SYDE2: variants seen among roughly 807,000 people sequenced by gnomAD.
SYDE2 encodes the protein rho GTPase-activating protein SYDE2.
SYDE2 carries 76 observed loss-of-function variants against 91.5 expected under a neutral mutation model. The observed-to-expected ratio is 0.83, with a 90% CI of 0.69 to 1.01. SYDE2 has a LOEUF of 1.01. Ranked by LOEUF, SYDE2 falls within the 50% of genes least tolerant of loss-of-function variation. The pLI is 0.00. For missense variants in SYDE2, 1,364 were observed against 1,367.7 expected (o/e 1.00, Z 0.04); for synonymous variants, 513 against 506.4 (o/e 1.01, Z -0.18).
chr1:85,165,119 G>A (rs371135415), intron 5 of SYDE2, among the ~76,000 whole-genome samples: 1 of 152,082 alleles, frequency 6.6e-6, no homozygotes, highest in African/African-American at 2.4e-5. Flanking sequence ...CTACGATCCC[G>A]GCTACTCGGG....
At chr1:85,160,951 ATATTT>A in intron 6 of SYDE2, 1 of 980,282 alleles carries the variant, frequency 1.0e-6, no homozygotes, top group Non-Finnish European at 1.2e-6. Flanking sequence ...AATTAAACTG[ATATTT>A]TATATCTTTT....
At chr1:85,160,411 C>T in intron 6 of SYDE2, 1 of 889,510 alleles carries the variant, frequency 1.1e-6, no homozygotes, top group Non-Finnish European at 1.3e-6. Flanking sequence ...ATGTTTTTAA[C>T]ATTTCTATTG....
rs113341336 is a variant in SYDE2, at chr1:85,184,165, C to T, written c.1442-965G>A. On this transcript the variant is annotated intron_variant, in intron 2 of 6. Transcript: ENST00000341460. ...ATAAATTTATGAACTAGGCTAGAGTCGAGTGAAACTGGCACACTCCTTCAG... is the reference window on the plus strand; with the variant it reads ...ATAAATTTATGAACTAGGCTAGAGTTGAGTGAAACTGGCACACTCCTTCAG... Among the ~76,000 whole-genome samples, 1,282 of 152,140 alleles carry T rather than the reference C, an allele frequency of 8.4e-3. 24 individuals are homozygous for T. Among genetic ancestry groups the T allele is most frequent in the African/African-American group, 0.029 (1,188 of 41,494 alleles).
rs557154850 is a variant in SYDE2, at chr1:85,197,359, A to G, written c.745+2893T>C. Among the ~76,000 whole-genome samples, 5 of 152,332 alleles carry G rather than the reference A, an allele frequency of 3.3e-5. No individual in the cohort carries two copies. The East Asian group carries it at 9.6e-4, about 29-fold the overall frequency. On this transcript the variant is annotated intron_variant, in intron 1 of 6. Transcript: ENST00000341460. ...AGTCTCAAAAATTTTCACAATACCT[A>G]TATGAAGTATCTCCATTCCACTGAA... is the stretch of plus-strand genomic sequence containing the variant.
At chr1:85,165,146 A>C (rs895686665) in intron 5 of SYDE2, among the ~76,000 whole-genome samples, 1 of 152,152 alleles carries the variant, frequency 6.6e-6, no homozygotes, top group Admixed American at 6.6e-5. Context: ...AGATGGGAGA[A>C]TCGCTGGAAC....
At chr1:85,179,355 T>C (rs972225792) in intron 3 of SYDE2, among the ~76,000 whole-genome samples, 4 of 152,172 alleles carry the variant, frequency 2.6e-5, no homozygotes, top group Admixed American at 1.3e-4. Context: ...TAATCTCTTC[T>C]GACTCATTAA....
chr1:85,170,407 T>G (rs1657459677), intron 4 of SYDE2, among the ~76,000 whole-genome samples: 1 of 152,140 alleles, frequency 6.6e-6, no homozygotes, highest in African/African-American at 2.4e-5. Context: ...TTTTAAATAT[T>G]TAATAGTAAC....
chr1:85,174,304 C>A (rs1657609532), intron 4 of SYDE2, among the ~76,000 whole-genome samples: 1 of 152,094 alleles, frequency 6.6e-6, no homozygotes, highest in Non-Finnish European at 1.5e-5. Context: ...ATAGTTACAG[C>A]ACAATTTATT....
rs2100672134 is a variant in SYDE2 at position 85,182,171 on chromosome 1, T to G, written c.2471A>C (p.Lys824Thr). Residue 824 changes from lysine (K) to threonine (T), a missense_variant, in exon 3 of 7, where the codon AAA becomes ACA. Coordinates refer to ENST00000341460, the MANE Select transcript of SYDE2 (RefSeq NM_032184.2). The part of the protein sequence containing the change: ...FGVDIQKVVE[K>T]ENIGLMVPLL... ...GGGCACCATCAGTCCTATATTTTCT[T>G]TCTCTACAACTTTTTGAATATCAAC... The G allele has an allele frequency of 6.2e-7, 1 of 1,605,630 alleles. No individual in the cohort carries two copies. Among genetic ancestry groups the G allele is most frequent in the East Asian group, 2.2e-5 (1 of 44,792 alleles).
chr1:85,183,852 TTTAGA>T (rs776175298), intron 2 of SYDE2, among the ~76,000 whole-genome samples: 3 of 152,170 alleles, frequency 2.0e-5, no homozygotes, highest in Non-Finnish European at 4.4e-5. Flanking sequence ...ATTAAATTGC[TTTAGA>T]TTAAATACAT....
chr1:85,155,815 G>C (rs960044259), downstream of SYDE2, among the ~76,000 whole-genome samples: 1 of 152,092 alleles, frequency 6.6e-6, no homozygotes, highest in Admixed American at 6.6e-5. Context: ...TAAATATACA[G>C]TATAAAGGGA....
chr1:85,190,921 A>T (rs1370538731), intron 1 of SYDE2, among the ~76,000 whole-genome samples, 169 bp from the exon 2 acceptor site: 1 of 152,168 alleles, frequency 6.6e-6, no homozygotes, highest in East Asian at 1.9e-4. Flanking sequence ...TATAAATATG[A>T]TTTATATTAT....
chr1:85,183,347 T>A (rs1658009512), intron 2 of SYDE2, 147 bp from the exon 3 acceptor site: 1 of 638,112 alleles, frequency 1.6e-6, no homozygotes, highest in Non-Finnish European at 2.4e-6. Flanking sequence ...TCATTAGAAG[T>A]TCAGGTCAAC....
At chr1:85,167,230 A>AC (rs1343272583) in intron 5 of SYDE2, among the ~76,000 whole-genome samples, 2 of 151,080 alleles carry the variant, frequency 1.3e-5, no homozygotes, top group South Asian at 2.1e-4. Flanking sequence ...AAAAAAAAAA[A>AC]CCAGAAAAAA....
chr1:85,167,669 G>A (rs1570236522), intron 5 of SYDE2, among the ~76,000 whole-genome samples: 1 of 152,298 alleles, frequency 6.6e-6, no homozygotes, highest in East Asian at 1.9e-4. Context: ...GGCTTACTCA[G>A]TCTTTTTAGA....
At position 85,182,994 on chromosome 1, in the gene SYDE2, T is replaced by C; in HGVS notation, c.1648A>G (p.Asn550Asp). The change falls in exon 3 of 7, where the codon AAT becomes GAT. Residue 550 changes from asparagine (N) to aspartate (D), a missense_variant. Coordinates refer to ENST00000341460, the MANE Select transcript of SYDE2 (RefSeq NM_032184.2). ...GTATTATCTGGACTGTTTATATAAT[T>C]CAATGTTCCCTTAACGCTTAGCTTT... ...SRKLSVKGTL[N>D]YINSPDNTPS... The C allele has an allele frequency of 6.2e-7, 1 of 1,613,262 alleles. No homozygotes were observed. The highest frequency in any genetic ancestry group is 8.5e-7 in the Non-Finnish European group (1 of 1,179,662).
intron 4 of SYDE2, among the ~76,000 whole-genome samples, chr1:85,171,837 A>T (rs1657517678): frequency 1.3e-5 from 2 of 152,322 alleles, no homozygotes; most frequent in South Asian, 4.1e-4. Context: ...GTAAATGGGC[A>T]TTAAAGAAAT....
At chr1:85,192,048 T>C (rs1242392274) in intron 1 of SYDE2, among the ~76,000 whole-genome samples, 1 of 152,186 alleles carries the variant, frequency 6.6e-6, no homozygotes, top group Non-Finnish European at 1.5e-5. Flanking sequence ...CAACTCATCT[T>C]ATTGGCACAG....
chr1:85,189,928 T>C (rs1658295220), intron 2 of SYDE2, 129 bp downstream of exon 2: 2 of 757,684 alleles, frequency 2.6e-6, no homozygotes, highest in Admixed American at 6.1e-5. Flanking sequence ...TTTATTTTCA[T>C]GAAAATATAT....
Sources: gnomAD v4.1 joint callset for allele counts (sites outside exome capture counted in the v4.1 genomes callset) on GRCh38, gnomAD v4.1.1 for gene constraint, MANE v1.5 for transcripts, NCBI Gene and HGNC (gene_info 2026-07-23, HGNC 2026-07-21) for gene names.